Variants in GTF3C2 observed in about 807,000 individuals in gnomAD.
GTF3C2 encodes the protein general transcription factor IIIC subunit 2, also known as general transcription factor 3C polypeptide 2.
In GTF3C2, 17 loss-of-function variants were observed where a neutral mutation model predicts 117.4. That is an observed-to-expected ratio of 0.14 (90% CI 0.10 to 0.22). The LOEUF (loss-of-function observed/expected upper bound fraction) is 0.22, where lower values mean the gene tolerates loss of function less well. Among genes scored for constraint, GTF3C2 ranks in the 10% least tolerant of loss-of-function variants. The pLI is 1.00. For synonymous variants in GTF3C2, 437 were observed against 427.0 expected (o/e 1.02, Z -0.29); for missense variants, 888 against 1,143.6 (o/e 0.78, Z 3.22).
At chr2:27,336,216 G>A in exon 8 of GTF3C2, 1 of 1,613,462 alleles carries the variant, frequency 6.2e-7, no homozygotes, top group East Asian at 2.2e-5. Flanking sequence ...TTGCTGCAAG[G>A]TCCCAAGGCC....
At chr2:27,347,881 C>A (rs1680972771) in intron 1 of GTF3C2, among the ~76,000 whole-genome samples, 2 of 152,286 alleles carry the variant, frequency 1.3e-5, no homozygotes, top group South Asian at 2.1e-4. Context: ...TGCCTGTAAT[C>A]CCTGCACTTA....
In GTF3C2 at chr2:27,336,182, T is replaced by C. The variant is rs1044840539; in HGVS notation, c.1355+16A>G. 6 of 1,591,592 alleles carry C rather than the reference T, an allele frequency of 3.8e-6. No homozygotes were observed. The highest frequency in any genetic ancestry group is 3.4e-6 in the Non-Finnish European group (4 of 1,160,018). On this transcript the variant is annotated intron_variant, in intron 8 of 18. Transcript: ENST00000264720. ...CCTCAACCACCCTCCCATGGCAGTGTCCAACCCCACCTCACCAGCTTTCTT... is the reference window on the plus strand; with the variant it reads ...CCTCAACCACCCTCCCATGGCAGTGCCCAACCCCACCTCACCAGCTTTCTT...
At chr2:27,342,988 G>A in exon 3 of GTF3C2, 1 of 1,614,212 alleles carries the variant, frequency 6.2e-7, no homozygotes, top group Non-Finnish European at 8.5e-7. Flanking sequence ...CATGGGGGTG[G>A]ACAGAGGGTT....
intron 12 of GTF3C2, among the ~76,000 whole-genome samples, chr2:27,332,422 GT>G (rs201422768): frequency 4.0e-5 from 6 of 148,264 alleles, no homozygotes; most frequent in African/African-American, 7.4e-5. Flanking sequence ...ATTATTTTTA[GT>G]TTTTTTTTTG....
Position 27,327,290 on chromosome 2 carries a change from GA to G in GTF3C2, c.2410-7del. 1.4e-6 allele frequency: 2 copies of G among 1,460,874 alleles called. No homozygotes were observed. The highest frequency in any genetic ancestry group is 1.2e-5 in the South Asian group (1 of 86,474). The allele number at this position is 1,460,874 out of a possible 1,614,324, so 90.5% of individuals were successfully genotyped here. A position where few individuals can be genotyped will look rare whatever the true frequency, so the allele number is the denominator to read the frequency against. On this transcript the variant is annotated splice_polypyrimidine_tract_variant and splice_region_variant and intron_variant, in intron 17 of 18. Transcript: ENST00000264720. ...AGCAGATCATGGAATGAACCCTGGG[GA>G]AGGGAAATGGAATAGGAGAGAGAAA...
chr2:27,347,308 C>T (rs2148326590), intron 1 of GTF3C2, among the ~76,000 whole-genome samples: 2 of 152,226 alleles, frequency 1.3e-5, no homozygotes, highest in Admixed American at 1.3e-4. Flanking sequence ...TATACAAATC[C>T]CATAAGAAAT....
intron 1 of GTF3C2, chr2:27,356,213 T>C: frequency 4.4e-6 from 3 of 683,252 alleles, no homozygotes; most frequent in Non-Finnish European, 6.9e-6. Flanking sequence ...AACTGGCCCT[T>C]GGTTACGCCA....
chr2:27,342,061 A>C (rs756459951), exon 4 of GTF3C2: 1 of 1,613,988 alleles, frequency 6.2e-7, no homozygotes, highest in African/African-American at 1.3e-5. Context: ...TGGAGAAAAA[A>C]GTCTTCATCC....
Position 27,329,058 on chromosome 2 carries a change from G to T in GTF3C2, c.2039+63C>A. 1 of 1,561,526 alleles carries T rather than the reference G, an allele frequency of 6.4e-7. No homozygotes were observed. The highest frequency in any genetic ancestry group is 8.8e-7 in the Non-Finnish European group (1 of 1,133,042). ...ACCCTCCTCTCCCCACAACAATCTG[G>T]CATGCTTTGCATTCCAACCCTTAGG... On this transcript the variant is annotated intron_variant, in intron 14 of 18. Transcript: ENST00000264720. This position sits in a 1 kb window ranked among gnomAD's most constrained non-coding sequence, Gnocchi z 4.5.
chr2:27,329,383 T>C lies in GTF3C2; in HGVS notation c.1873A>G (p.Asn625Asp), dbSNP rs775287186. Reference sequence around the variant, plus strand: ...CACATACCTCCTATTCCATACCTGTTAGCTTTGCACCATTGAAGGGTACGC... The same window carrying C: ...CACATACCTCCTATTCCATACCTGTCAGCTTTGCACCATTGAAGGGTACGC... The change falls in exon 13 of 19, where the codon AAC becomes GAC. Residue 625 changes from asparagine (N) to aspartate (D), a missense_variant. Transcript: ENST00000264720. This position sits in a 1 kb window ranked among gnomAD's most constrained non-coding sequence, Gnocchi z 4.5. 1.9e-6 allele frequency: 3 copies of C among 1,614,124 alleles called. No homozygotes were observed. The highest frequency in any genetic ancestry group is 1.6e-4 in the Middle Eastern group (1 of 6,062).
chr2:27,351,176 C>G (rs540598981), intron 1 of GTF3C2, among the ~76,000 whole-genome samples: 20 of 152,090 alleles, frequency 1.3e-4, no homozygotes, highest in Non-Finnish European at 1.8e-4. Context: ...CTCTGGGAGG[C>G]TGAAGAGGGC....
chr2:27,337,711 G>T (rs1485064211), intron 5 of GTF3C2, 153 bp from the exon 6 acceptor site: 2 of 696,474 alleles, frequency 2.9e-6, no homozygotes, highest in Non-Finnish European at 5.1e-6. Context: ...CTAAAATGTG[G>T]CTAGCGCAGC....
intron 10 of GTF3C2, among the ~76,000 whole-genome samples, chr2:27,334,379 A>G (rs1358436218): frequency 1.3e-5 from 2 of 151,980 alleles, no homozygotes; most frequent in Admixed American, 6.6e-5. Flanking sequence ...GTTACACCTG[A>G]TAGTATCCTT....
At chr2:27,336,901 C>T (rs1680500918) in intron 7 of GTF3C2, 1 of 255,550 alleles carries the variant, frequency 3.9e-6, no homozygotes, top group South Asian at 7.2e-5. Flanking sequence ...TGAGCCACCA[C>T]ACCCGGCCTC....
At position 27,327,172 on chromosome 2, in the gene GTF3C2, A is replaced by G; in HGVS notation, c.2517+5T>C. On this transcript the variant is annotated splice_donor_5th_base_variant and intron_variant, in intron 18 of 18. Coordinates refer to ENST00000264720, the Ensembl canonical transcript of GTF3C2. The stretch of plus-strand genomic sequence containing the variant: ...GAGTGGAGGGTGGAGAGGATGAGAG[A>G]CTACCTTATGAATAGCCTCCAGCTG... 1 of 1,475,164 alleles carries G rather than the reference A, an allele frequency of 6.8e-7. No individual in the cohort carries two copies. The highest frequency in any genetic ancestry group is 1.7e-4 in the Middle Eastern group (1 of 5,798). 91.4% of individuals were successfully genotyped at this position (1,475,164 alleles called of 1,614,324 possible). A position where few individuals can be genotyped will look rare whatever the true frequency, so the allele number is the denominator to read the frequency against.
chr2:27,332,420 T>A (rs578116875), intron 12 of GTF3C2, among the ~76,000 whole-genome samples: 6 of 151,828 alleles, frequency 4.0e-5, no homozygotes, highest in East Asian at 1.9e-4. Context: ...TTATTATTTT[T>A]AGTTTTTTTT....
At chr2:27,331,962 A>G (rs914373386) in intron 12 of GTF3C2, among the ~76,000 whole-genome samples, 14 of 152,008 alleles carry the variant, frequency 9.2e-5, no homozygotes, top group African/African-American at 2.7e-4. Flanking sequence ...ACAAAACCTA[A>G]TAACTCCAAC....
At position 27,333,791 on chromosome 2, in the gene GTF3C2, G is replaced by GGAAAGAAGAGATGGGACTAGGGT; in HGVS notation, c.1603-30_1603-8dup. ...GAGTTGCCACACATTGTACCTGCAG[G>GGAAAGAAGAGATGGGACTAGGGT]GAAAGAAGAGATGGGACTAGGGTTA... On this transcript the variant is annotated splice_polypyrimidine_tract_variant and splice_region_variant and intron_variant, in intron 11 of 18. Coordinates refer to ENST00000264720, the Ensembl canonical transcript of GTF3C2. 6.2e-7 allele frequency: 1 copy of GGAAAGAAGAGATGGGACTAGGGT among 1,601,188 alleles called. No homozygotes were observed. The highest frequency in any genetic ancestry group is 8.5e-7 in the Non-Finnish European group (1 of 1,173,384).
chr2:27,334,682 G>A (rs934114216), intron 10 of GTF3C2, among the ~76,000 whole-genome samples: 4 of 148,380 alleles, frequency 2.7e-5, no homozygotes, highest in Non-Finnish European at 4.5e-5. Context: ...TCACTAAGCC[G>A]CCCAGGCTAC....
Sources: allele counts gnomAD v4.1 joint callset (sites outside exome capture counted in the v4.1 genomes callset), GRCh38; gene constraint gnomAD v4.1.1; non-coding constraint Gnocchi (gnomAD v3.1); transcripts MANE v1.5; gene names NCBI Gene and HGNC (gene_info 2026-07-23, HGNC 2026-07-21).